The following SETX variants were observed in gnomAD, a reference collection of about 807,000 sequenced individuals.
SETX encodes the protein helicase senataxin.
SETX carries 90 observed loss-of-function variants against 227.2 expected under a neutral mutation model. The ratio of observed to expected loss-of-function variants is 0.40; its 90% CI spans 0.33 to 0.47. The LOEUF (loss-of-function observed/expected upper bound fraction) is 0.47, where lower values mean the gene tolerates loss of function less well. Among genes scored for constraint, SETX ranks in the 20% least tolerant of loss-of-function variants. The pLI, the probability that SETX is intolerant of heterozygous loss-of-function variation, is 0.91. For synonymous variants in SETX, 1,210 were observed against 1,113.2 expected (o/e 1.09, Z -1.73); for missense variants, 3,052 against 3,181.5 (o/e 0.96, Z 0.98).
chr9:132,326,544 G>A lies in SETX; in HGVS notation c.5054C>T (p.Ser1685Phe). The A allele has an allele frequency of 6.2e-7, 1 of 1,614,130 alleles. No homozygotes were observed. The highest frequency in any genetic ancestry group is 8.5e-7 in the Non-Finnish European group (1 of 1,180,016). Residue 1685 changes from serine to phenylalanine, a missense_variant, in exon 10 of 26, where the codon TCC (serine) becomes TTC (phenylalanine). Transcript: ENST00000224140. ...TGACAAAAGAATGTTTACTGGAGAG[G>A]AAGATGGAAAATATTTGCTTTCACC... Reference protein sequence around the residue: ...PFGESKYFPSSSPVNILLSSQ... With the variant: ...PFGESKYFPSFSPVNILLSSQ...
intron 10 of SETX, among the ~76,000 whole-genome samples, chr9:132,324,513 A>G (rs1020459391): frequency 6.6e-6 from 1 of 152,196 alleles, no homozygotes; most frequent in African/African-American, 2.4e-5. Context: ...TGCCTGTAAC[A>G]TACTTCCCAC....
Position 132,281,694 on chromosome 9 carries a change from CA to C in SETX, c.6547-121del, listed in dbSNP as rs1470890999. On this transcript the variant is annotated intron_variant, in intron 19 of 25. Transcript: ENST00000224140. Reference sequence around the variant, plus strand: ...ATCACACTTCTCCTGCACCAAATATCAAAAATACAAATTTTCCCTGAAAACA... The same window carrying C: ...ATCACACTTCTCCTGCACCAAATATCAAAATACAAATTTTCCCTGAAAACA... The C allele has an allele frequency of 4.0e-6, 3 of 752,946 alleles. No individual in the cohort carries two copies. The African/African-American group carries it at 5.3e-5, about 13-fold the overall frequency. 46.6% of individuals were successfully genotyped at this position (752,946 alleles called of 1,614,324 possible).
upstream of SETX, among the ~76,000 whole-genome samples, chr9:132,355,342 T>G (rs987097592): frequency 1.3e-5 from 2 of 150,822 alleles, no homozygotes; most frequent in Non-Finnish European, 3.0e-5. Context: ...CCGTTCCCTC[T>G]TTTTTCTTCT....
At position 132,327,634 on chromosome 9, in the gene SETX, T is replaced by C. The variant is rs1242327636; in HGVS notation, c.3964A>G (p.Thr1322Ala). The change falls in exon 10 of 26, where the codon ACC becomes GCC. Residue 1322 changes from threonine to alanine, a missense_variant. Transcript: ENST00000224140. ...GAAATTAATTTAGTCTTTTTTCGGGTATCAACTACTCCAACAGTTTTGCCA... is the reference window on the plus strand; with the variant it reads ...GAAATTAATTTAGTCTTTTTTCGGGCATCAACTACTCCAACAGTTTTGCCA... ...DHGKTVGVVD[T>A]RKKTKLISPQ... is the part of the protein sequence containing the mutation. The C allele has an allele frequency of 6.2e-7, 1 of 1,614,000 alleles. No homozygotes were observed. The highest frequency in any genetic ancestry group is 8.5e-7 in the Non-Finnish European group (1 of 1,179,974).
intron 1 of SETX, among the ~76,000 whole-genome samples, chr9:132,354,010 C>T (rs1395668030): frequency 6.6e-6 from 1 of 152,212 alleles, no homozygotes; most frequent in Non-Finnish European, 1.5e-5. Flanking sequence ...TTAGCCCGCG[C>T]AGGTAACATC....
chr9:132,319,505 T>C (rs1260841395), intron 10 of SETX, among the ~76,000 whole-genome samples: 5 of 152,230 alleles, frequency 3.3e-5, no homozygotes, highest in Non-Finnish European at 7.3e-5. Context: ...CATTTCTCTT[T>C]ACCCCTTATC....
chr9:132,286,858 T>C (rs1843932832), intron 17 of SETX, among the ~76,000 whole-genome samples: 1 of 152,214 alleles, frequency 6.6e-6, no homozygotes. Flanking sequence ...TTCTTAAAAA[T>C]AGGGATTAGA....
chr9:132,295,828 C>T lies in SETX; in HGVS notation c.6106+44G>A, dbSNP rs149672964. 75 of 1,579,598 alleles carry T rather than the reference C, an allele frequency of 4.7e-5. No individual in the cohort carries two copies. The African/African-American group carries it at 8.4e-4, about 18-fold the overall frequency. Reference sequence around the variant, plus strand: ...GTCATTCAAAGTTGCCTACACTTAACACTGAAAACAAAAACAAATTTAAAA... The same window carrying T: ...GTCATTCAAAGTTGCCTACACTTAATACTGAAAACAAAAACAAATTTAAAA... On this transcript the variant is annotated intron_variant, in intron 15 of 25. Coordinates refer to ENST00000224140, the MANE Select transcript of SETX (RefSeq NM_015046.7).
intron 12 of SETX, among the ~76,000 whole-genome samples, chr9:132,299,291 T>C (rs544136961): frequency 6.6e-5 from 10 of 152,192 alleles, no homozygotes; most frequent in Non-Finnish European, 1.0e-4. Context: ...TTTGGACTAG[T>C]GGATTTGAAA....
In SETX at chr9:132,337,436, T is replaced by TAAA. The variant is rs55840073; in HGVS notation, c.499-924_499-922dup. ...TAAATTTAGTGCTCACAACCAACCT[T>TAAA]AAAAAAAAAAAACAAGAACAGAAAA... On this transcript the variant is annotated intron_variant, in intron 5 of 25. Coordinates refer to ENST00000224140, the MANE Select transcript of SETX (RefSeq NM_015046.7). Among the ~76,000 whole-genome samples the TAAA allele has an allele frequency of 3.5e-3, 527 of 149,022 alleles. 3 individuals are homozygous for TAAA. The highest frequency in any genetic ancestry group is 0.012 in the African/African-American group (478 of 40,794).
At chr9:132,326,065 CTTT>C (rs1245990602) in intron 10 of SETX, among the ~76,000 whole-genome samples, 1 of 150,978 alleles carries the variant, frequency 6.6e-6, no homozygotes, top group African/African-American at 2.4e-5. Context: ...TTTAACTATA[CTTT>C]TTTTTGTTTT....
Position 132,331,364 on chromosome 9 carries a change from A to G in SETX, c.923T>C (p.Leu308Pro), listed in dbSNP as rs1847223279. Residue 308 changes from leucine to proline, a missense_variant, in exon 8 of 26, where the codon CTT (leucine) becomes CCT (proline). Coordinates refer to ENST00000224140, the MANE Select transcript of SETX (RefSeq NM_015046.7). ...TTGAAATGCCACAATAGGATCCATAAGTTGACCCCAGACCTTAGATCCAAG... is the reference window on the plus strand; with the variant it reads ...TTGAAATGCCACAATAGGATCCATAGGTTGACCCCAGACCTTAGATCCAAG... ...DRLGSKVWGQ[L>P]MDPIVAFQTI... is the part of the protein sequence containing the mutation. 2.5e-6 allele frequency: 4 copies of G among 1,614,124 alleles called. No individual in the cohort carries two copies. Among genetic ancestry groups the G allele is most frequent in the Non-Finnish European group, 2.5e-6 (3 of 1,180,002 alleles).
chr9:132,342,823 A>T (rs775340570), intron 4 of SETX, 24 bp from the exon 5 acceptor site: 2 of 1,512,580 alleles, frequency 1.3e-6, no homozygotes, highest in Non-Finnish European at 1.8e-6. Flanking sequence ...AATAAGTAAA[A>T]TACATAAATC....
chr9:132,344,379 A>T (rs1188608485), intron 4 of SETX, among the ~76,000 whole-genome samples: 2 of 152,206 alleles, frequency 1.3e-5, no homozygotes, highest in East Asian at 3.9e-4. Flanking sequence ...ATATCCAGTT[A>T]AATTTTCTTT....
rs2296872 is a variant in SETX at position 132,311,741 on chromosome 9, G to A, written c.5374+16C>T. On this transcript the variant is annotated intron_variant, in intron 11 of 25. Transcript: ENST00000224140. ...TATTATATCATATATTCCAAGTTGC[G>A]TAAGAAAAAACTTACCTGCAAACTC... The A allele has an allele frequency of 0.2, 307,912 of 1,546,828 alleles. 40,913 individuals carry two copies. Among genetic ancestry groups the A allele is most frequent in the East Asian group, 0.7 (31,259 of 44,498 alleles).
intron 7 of SETX, among the ~76,000 whole-genome samples, chr9:132,332,544 G>C (rs1847306825): frequency 1.3e-5 from 2 of 152,198 alleles, no homozygotes; most frequent in African/African-American, 4.8e-5. Context: ...ATCTGAAACA[G>C]TGCCTGTGTC....
intron 17 of SETX, among the ~76,000 whole-genome samples, chr9:132,287,689 A>G (rs1222630683): frequency 2.0e-5 from 3 of 152,146 alleles, no homozygotes; most frequent in African/African-American, 7.2e-5. Context: ...CCTTTACAAA[A>G]AAGTTTTTAA....
intron 18 of SETX, 58 bp downstream of exon 18, chr9:132,286,365 T>C (rs1335603919): frequency 7.0e-6 from 9 of 1,277,146 alleles, no homozygotes; most frequent in Non-Finnish European, 1.0e-5. Context: ...ACAGTCATAC[T>C]TAAATTTTAA....
intron 10 of SETX, 110 bp from the exon 11 acceptor site, chr9:132,311,966 G>A: frequency 1.1e-6 from 1 of 896,294 alleles, no homozygotes; most frequent in Middle Eastern, 2.7e-4. Context: ...TAGAATCTAG[G>A]TGACAAAAAC....
Sources: gnomAD v4.1 joint callset for allele counts (sites outside exome capture counted in the v4.1 genomes callset) on GRCh38, gnomAD v4.1.1 for gene constraint, MANE v1.5 for transcripts, NCBI Gene and HGNC (gene_info 2026-07-23, HGNC 2026-07-21) for gene names.